Variants in CPM observed in about 807,000 individuals in gnomAD.
The protein encoded by CPM is renal carboxypeptidase.
Under a neutral mutation model 46.4 loss-of-function variants are expected in CPM, and 35 were observed. The ratio of observed to expected loss-of-function variants is 0.75; its 90% CI spans 0.58 to 1.00. The LOEUF (loss-of-function observed/expected upper bound fraction) is 1.00. Among genes scored for constraint, CPM ranks in the 50% least tolerant of loss-of-function variants. The probability of loss-of-function intolerance (pLI) is 0.00; values close to 1 mark genes in which losing one functional copy is unlikely to be tolerated. For synonymous variants in CPM, 195 were observed against 195.3 expected (o/e 1.00, Z 0.01); for missense variants, 422 against 530.4 (o/e 0.80, Z 2.01).
intron 3 of CPM, among the ~76,000 whole-genome samples, chr12:68,875,564 G>C (rs1013470201): frequency 3.3e-5 from 5 of 152,070 alleles, no homozygotes; most frequent in African/African-American, 1.2e-4. Flanking sequence ...CCAGCACTTT[G>C]GAAGGCTGAG....
At chr12:68,877,537 A>T (rs1444088493) in intron 3 of CPM, among the ~76,000 whole-genome samples, 2 of 152,222 alleles carry the variant, frequency 1.3e-5, no homozygotes, top group African/African-American at 4.8e-5. Flanking sequence ...AATTACGCTC[A>T]TGACAGGGAC....
chr12:68,933,698 C>T (rs1384398826), upstream of CPM, among the ~76,000 whole-genome samples: 1 of 152,184 alleles, frequency 6.6e-6, no homozygotes, highest in Non-Finnish European at 1.5e-5. Context: ...CCCAGCAGTG[C>T]CAAGCTGCCC....
chr12:68,950,294 G>A (rs1435399426), intron 1 of CPM, among the ~76,000 whole-genome samples: 1 of 151,976 alleles, frequency 6.6e-6, no homozygotes, highest in African/African-American at 2.4e-5. Flanking sequence ...GCGCCAACAG[G>A]GTATTGAAAA....
At chr12:68,867,388 T>C (rs1467335523) in intron 6 of CPM, among the ~76,000 whole-genome samples, 2 of 152,240 alleles carry the variant, frequency 1.3e-5, no homozygotes, top group Non-Finnish European at 2.9e-5. Flanking sequence ...TTAAATTACA[T>C]TTTACATGGA....
chr12:68,905,421 C>T (rs894960570), intron 2 of CPM, among the ~76,000 whole-genome samples: 2 of 151,770 alleles, frequency 1.3e-5, no homozygotes, highest in African/African-American at 4.8e-5. Flanking sequence ...GCTGGGACTG[C>T]AGGCACATAC....
chr12:68,847,452 C>CTTTTTTTTTTTTTTTTTTTTTTTTTT (rs772905678), downstream of CPM: 1 of 88,722 alleles, frequency 1.1e-5, no homozygotes, highest in African/African-American at 5.6e-5. Flanking sequence ...TATCTCCTTT[C>CTTTTTTTTTTTTTTTTTTTTTTTTTT]TTTTTTTTTT....
rs115181401 is a variant in CPM at position 68,877,670 on chromosome 12, C to A, written c.259-5714G>T. On this transcript the variant is annotated intron_variant, in intron 3 of 8. Transcript: ENST00000551568. ...AAAAGAAAGAATTTAATTATTCAAA[C>A]CACAGAGCGTTACTGAGGACATTTT... is the stretch of plus-strand genomic sequence containing the variant. Among the ~76,000 whole-genome samples the A allele has an allele frequency of 6.3e-3, 965 of 152,082 alleles. 16 individuals carry two copies. The highest frequency in any genetic ancestry group is 0.022 in the African/African-American group (916 of 41,358).
At chr12:68,857,253 C>T (rs1435889335) in intron 8 of CPM, among the ~76,000 whole-genome samples, 3 of 151,720 alleles carry the variant, frequency 2.0e-5, no homozygotes, top group African/African-American at 7.3e-5. Flanking sequence ...CTCCGCCTCC[C>T]GGGTTCAAGC....
chr12:68,947,575 C>T (rs561124941), intron 1 of CPM, among the ~76,000 whole-genome samples: 1 of 147,028 alleles, frequency 6.8e-6, no homozygotes, highest in Admixed American at 6.8e-5. Context: ...CCAGCCTGGG[C>T]AACAGAGTAA....
At chr12:68,843,407 A>G (rs1369598300) in intron 5 of CPM, 3 of 230,890 alleles carry the variant, frequency 1.3e-5, no homozygotes, top group African/African-American at 6.6e-5. Flanking sequence ...GATTTGATCA[A>G]TACCCATTGT....
downstream of CPM, chr12:68,847,430 A>G (rs1306697630): frequency 7.0e-6 from 1 of 143,268 alleles, no homozygotes; most frequent in East Asian, 2.0e-4. Context: ...AGCAGGTTGT[A>G]ACATCCTTTT....
intron 2 of CPM, among the ~76,000 whole-genome samples, chr12:68,912,496 C>A (rs993511543): frequency 5.3e-5 from 8 of 152,126 alleles, no homozygotes; most frequent in Admixed American, 3.9e-4. Context: ...AAACCTATAT[C>A]TAAAATGACT....
chr12:68,929,220 TG>T (rs1237237396), intron 2 of CPM, among the ~76,000 whole-genome samples: 1 of 152,124 alleles, frequency 6.6e-6, no homozygotes, highest in Non-Finnish European at 1.5e-5. Flanking sequence ...TAAATACATT[TG>T]TATTTGAAAA....
At chr12:68,938,854 A>G (rs1888713359) in intron 1 of CPM, among the ~76,000 whole-genome samples, 1 of 150,088 alleles carries the variant, frequency 6.7e-6, no homozygotes. Flanking sequence ...ATATATCTAT[A>G]TGTGTATATA....
At chr12:68,945,779 G>C (rs899856059) in intron 1 of CPM, among the ~76,000 whole-genome samples, 2 of 150,728 alleles carry the variant, frequency 1.3e-5, no homozygotes, top group East Asian at 3.9e-4. Flanking sequence ...AATCAGATGT[G>C]AGTCATTAGT....
At chr12:68,929,645 A>G (rs1202887318) in intron 2 of CPM, among the ~76,000 whole-genome samples, 1 of 152,196 alleles carries the variant, frequency 6.6e-6, no homozygotes, top group East Asian at 1.9e-4. Context: ...ACGTTTTTAA[A>G]AATCACCAAT....
chr12:68,915,164 G>A (rs1887754664), intron 2 of CPM, among the ~76,000 whole-genome samples: 1 of 151,952 alleles, frequency 6.6e-6, no homozygotes, highest in African/African-American at 2.4e-5. Context: ...GAGAAATTAC[G>A]TTCCTGAGTC....
chr12:68,958,026 C>T (rs1889052261), intron 1 of CPM, among the ~76,000 whole-genome samples: 1 of 152,094 alleles, frequency 6.6e-6, no homozygotes, highest in Non-Finnish European at 1.5e-5. Flanking sequence ...AAAACTCATC[C>T]TTTTTTATGG....
rs1330470723 is a variant in CPM at position 68,851,196 on chromosome 12, T to C, written c.*5241A>G. On this transcript the variant is annotated 3_prime_UTR_variant, in exon 9 of 9. Transcript: ENST00000551568. ...ATTATTTATATGGATATTAGTTCTT[T>C]ATTGAGAATCAGAAATATTTTAAAT... 6.6e-6 allele frequency: 1 copy of C among 152,638 alleles called. No homozygotes were observed. Among genetic ancestry groups the C allele is most frequent in the East Asian group, 1.9e-4 (1 of 5,208 alleles). 9.5% of individuals were successfully genotyped at this position (152,638 alleles called of 1,614,324 possible).
Sources: allele counts gnomAD v4.1 joint callset (sites outside exome capture counted in the v4.1 genomes callset), GRCh38; gene constraint gnomAD v4.1.1; transcripts MANE v1.5; gene names NCBI Gene and HGNC (gene_info 2026-07-23, HGNC 2026-07-21).